TSPAN9: variants seen among roughly 807,000 people sequenced by gnomAD.
The protein encoded by TSPAN9 is tetraspanin-9.
TSPAN9 carries 16 observed loss-of-function variants against 31.0 expected under a neutral mutation model. The observed-to-expected ratio is 0.52, with a 90% CI of 0.35 to 0.78. The LOEUF (loss-of-function observed/expected upper bound fraction) is 0.78. Among genes scored for constraint, TSPAN9 ranks in the 30% least tolerant of loss-of-function variants. The probability of loss-of-function intolerance (pLI) is 0.01; values close to 1 mark genes in which losing one functional copy is unlikely to be tolerated. For synonymous variants in TSPAN9, 145 were observed against 121.6 expected (o/e 1.19, Z -1.27); for missense variants, 272 against 312.5 (o/e 0.87, Z 0.98).
At chr12:3,175,193 A>G (rs1207660685) in intron 2 of TSPAN9, among the ~76,000 whole-genome samples, 1 of 152,108 alleles carries the variant, frequency 6.6e-6, no homozygotes, top group African/African-American at 2.4e-5. Context: ...CTGGGGTGAG[A>G]CCTGGCAAGC....
chr12:3,194,279 G>C (rs1203066147), intron 2 of TSPAN9, among the ~76,000 whole-genome samples: 1 of 152,170 alleles, frequency 6.6e-6, no homozygotes, highest in Non-Finnish European at 1.5e-5. Context: ...CTGAACAAAG[G>C]GCCAAGAAGG....
chr12:3,205,083 T>G (rs568192340), intron 3 of TSPAN9, among the ~76,000 whole-genome samples: 7 of 148,926 alleles, frequency 4.7e-5, no homozygotes, highest in African/African-American at 1.2e-4. Context: ...GCCCAGCTCT[T>G]CCCAGCCCAA....
intron 7 of TSPAN9, 28 bp from the exon 8 acceptor site, chr12:3,281,706 C>T: frequency 6.2e-7 from 1 of 1,605,116 alleles, no homozygotes; most frequent in Non-Finnish European, 8.5e-7. Flanking sequence ...TGGGCTGGGA[C>T]CCTAACCTCG....
At chr12:3,132,269 T>C (rs747733637) in intron 2 of TSPAN9, among the ~76,000 whole-genome samples, 1 of 152,216 alleles carries the variant, frequency 6.6e-6, no homozygotes, top group Non-Finnish European at 1.5e-5. Flanking sequence ...TTTGCAATTC[T>C]TTTGAGCATA....
At chr12:3,247,657 T>C (rs1270501007) in intron 3 of TSPAN9, among the ~76,000 whole-genome samples, 1 of 152,184 alleles carries the variant, frequency 6.6e-6, no homozygotes, top group African/African-American at 2.4e-5. Flanking sequence ...CCTTTTGACG[T>C]TGGCCATCTG....
intron 3 of TSPAN9, among the ~76,000 whole-genome samples, chr12:3,244,669 C>T (rs1374206075): frequency 6.6e-6 from 1 of 152,212 alleles, no homozygotes; most frequent in Non-Finnish European, 1.5e-5. Flanking sequence ...CCCCCAGCCA[C>T]CCCCCTAAAG....
chr12:3,126,738 G>A (rs563032258), intron 2 of TSPAN9, among the ~76,000 whole-genome samples: 1 of 150,512 alleles, frequency 6.6e-6, no homozygotes, highest in African/African-American at 2.4e-5. Flanking sequence ...GTGAGACCCT[G>A]TCTCTACAAA....
At chr12:3,274,504 C>T (rs1026353974) in intron 3 of TSPAN9, among the ~76,000 whole-genome samples, 1 of 152,182 alleles carries the variant, frequency 6.6e-6, no homozygotes, top group African/African-American at 2.4e-5. Flanking sequence ...GTGATCTGGA[C>T]ATGGGACCTG....
chr12:3,198,837 A>ACACCAGCACAGCTCAC (rs1565610734), intron 2 of TSPAN9, among the ~76,000 whole-genome samples: 1,875 of 12,928 alleles, frequency 0.15, 338 homozygotes, highest in African/African-American at 0.28. Context: ...AGCACAGGTC[A>ACACCAGCACAGCTCAC]CACCAGCACA....
intron 2 of TSPAN9, among the ~76,000 whole-genome samples, chr12:3,092,506 C>G (rs182788627): frequency 6.6e-6 from 1 of 152,134 alleles, no homozygotes; most frequent in Non-Finnish European, 1.5e-5. Flanking sequence ...TCCTGCAGCA[C>G]CTATAACACC....
chr12:3,268,180 G>GTGTGTTCCTGCAGCCTGCCCTCTC (rs1862575183), intron 3 of TSPAN9, among the ~76,000 whole-genome samples: 1 of 130,384 alleles, frequency 7.7e-6, no homozygotes, highest in Non-Finnish European at 1.6e-5. Flanking sequence ...CCTACCCTCC[G>GTGTGTTCCTGCAGCCTGCCCTCTC]TGCGTTCCTG....
intron 2 of TSPAN9, among the ~76,000 whole-genome samples, chr12:3,117,756 C>T (rs1209216186): frequency 6.6e-6 from 1 of 152,170 alleles, no homozygotes; most frequent in Non-Finnish European, 1.5e-5. Flanking sequence ...TTCTGGGAAC[C>T]TGAGACTATG....
chr12:3,278,317 C>T, intron 3 of TSPAN9, 104 bp from the exon 4 acceptor site: 1 of 1,490,310 alleles, frequency 6.7e-7, no homozygotes, highest in Admixed American at 2.0e-5. Context: ...TCGGTTCTCA[C>T]TTTGTCTGTG....
At position 3,192,421 on chromosome 12, in the gene TSPAN9, G is replaced by C. The variant is rs1161252327; in HGVS notation, c.-17-8756G>C. 1.3e-5 allele frequency among the ~76,000 whole-genome samples: 2 copies of C among 152,160 alleles called. No homozygotes were observed. Among genetic ancestry groups the C allele is most frequent in the Non-Finnish European group, 2.9e-5 (2 of 68,038 alleles). On this transcript the variant is annotated intron_variant, in intron 2 of 8. Coordinates refer to ENST00000011898, the MANE Select transcript of TSPAN9 (RefSeq NM_006675.5). This position sits in a 1 kb window ranked among gnomAD's most constrained non-coding sequence, Gnocchi z 4.6. Reference sequence around the variant, plus strand: ...AGGGCGGGGACGAGGAGGATGCCAGGTGCAGGGAGGCTCTGCGGCTTGGAC... The same window carrying C: ...AGGGCGGGGACGAGGAGGATGCCAGCTGCAGGGAGGCTCTGCGGCTTGGAC...
chr12:3,203,587 C>T (rs2098373246), intron 3 of TSPAN9, among the ~76,000 whole-genome samples: 1 of 152,188 alleles, frequency 6.6e-6, no homozygotes. Context: ...TTCTCTTTAC[C>T]AGGCAAGGAG....
intron 3 of TSPAN9, among the ~76,000 whole-genome samples, chr12:3,268,159 C>CGTT (rs1862572845): frequency 7.0e-5 from 10 of 143,612 alleles, no homozygotes; most frequent in African/African-American, 2.6e-4. Context: ...GCCCTCCGTG[C>CGTT]ATTCCTGCAG....
At chr12:3,208,254 G>T (rs1370110791) in intron 3 of TSPAN9, among the ~76,000 whole-genome samples, 1 of 152,208 alleles carries the variant, frequency 6.6e-6, no homozygotes, top group Non-Finnish European at 1.5e-5. Flanking sequence ...TGTCCCTCGG[G>T]CTGGGGATTG....
intron 3 of TSPAN9, among the ~76,000 whole-genome samples, chr12:3,203,377 T>C (rs2098373114): frequency 6.6e-6 from 1 of 152,190 alleles, no homozygotes; most frequent in African/African-American, 2.4e-5. Flanking sequence ...TTCCACTTGA[T>C]GGGGAAGAGA....
intron 3 of TSPAN9, among the ~76,000 whole-genome samples, chr12:3,225,033 G>A (rs1185299360): frequency 2.6e-5 from 4 of 151,542 alleles, no homozygotes; most frequent in Admixed American, 6.6e-5. Context: ...CCTTTGCGGT[G>A]CACAGGATCC....
Sources: allele counts gnomAD v4.1 joint callset (sites outside exome capture counted in the v4.1 genomes callset), GRCh38; gene constraint gnomAD v4.1.1; non-coding constraint Gnocchi (gnomAD v3.1); transcripts MANE v1.5; gene names NCBI Gene and HGNC (gene_info 2026-07-23, HGNC 2026-07-21).